Variants in CTDSP1 observed in about 807,000 individuals in gnomAD.
CTDSP1 encodes the protein CTD small phosphatase 1, also known as carboxy-terminal domain RNA polymerase II polypeptide A small phosphatase 1.
CTDSP1 carries 15 observed loss-of-function variants against 32.5 expected under a neutral mutation model. The observed-to-expected ratio is 0.46, with a 90% confidence interval of 0.31 to 0.71. The LOEUF (loss-of-function observed/expected upper bound fraction) is 0.71. Ranked by LOEUF, CTDSP1 falls within the 30% of genes least tolerant of loss-of-function variation. The probability of loss-of-function intolerance (pLI) is 0.05; values close to 1 mark genes in which losing one functional copy is unlikely to be tolerated. For missense variants in CTDSP1, 294 were observed against 351.1 expected (o/e 0.84, Z 1.30); for synonymous variants, 185 against 145.4 (o/e 1.27, Z -1.96).
At position 218,399,985 on chromosome 2, in the gene CTDSP1, C is replaced by T; in HGVS notation, c.-106C>T. On this transcript the variant is annotated 5_prime_UTR_variant, in exon 1 of 7. Coordinates refer to ENST00000273062, the MANE Select transcript of CTDSP1 (RefSeq NM_021198.3). ...CCCTCCGGAGCTCGCGGGGATCCCT[C>T]CCTCCCACCCCTCCCCTCCCCCCCG... The T allele has an allele frequency of 1.3e-6, 1 of 775,178 alleles. No individual in the cohort carries two copies. Among genetic ancestry groups the T allele is most frequent in the African/African-American group, 1.9e-5 (1 of 51,636 alleles). 48.0% of individuals were successfully genotyped at this position (775,178 alleles called of 1,614,324 possible).
chr2:218,399,744 G>A, upstream of CTDSP1: 1 of 1,015,588 alleles, frequency 9.8e-7, no homozygotes, highest in Non-Finnish European at 1.2e-6. Flanking sequence ...GGCCCGGCCC[G>A]CCTCCCAGTC....
chr2:218,400,743 C>A (rs1038098291), intron 1 of CTDSP1: 3 of 455,612 alleles, frequency 6.6e-6, no homozygotes, highest in Non-Finnish European at 1.3e-5. Context: ...GCTTGGCGCC[C>A]GCGGGGAGAG....
At chr2:218,398,661 G>A (rs1322153198), upstream of CTDSP1, 7 of 356,236 alleles carry the variant, frequency 2.0e-5, no homozygotes, top group Middle Eastern at 7.4e-4. Flanking sequence ...CCGGCGGCCG[G>A]ACGGGACAGG....
upstream of CTDSP1, among the ~76,000 whole-genome samples, chr2:218,397,951 G>C (rs559425264): frequency 1.2e-4 from 18 of 152,336 alleles, no homozygotes; most frequent in African/African-American, 4.3e-4. Flanking sequence ...AGATGGGGTG[G>C]AGGAGGTGGG....
chr2:218,404,210 T>A (rs780647903), intron 6 of CTDSP1, 87 bp from the exon 7 acceptor site: 2 of 1,517,776 alleles, frequency 1.3e-6, no homozygotes, highest in Non-Finnish European at 1.8e-6. Flanking sequence ...AACTGCATGA[T>A]CTGAGTAGTG....
upstream of CTDSP1, chr2:218,399,633 G>A (rs901805541): frequency 1.6e-5 from 12 of 754,616 alleles, no homozygotes; most frequent in Admixed American, 6.3e-5. Context: ...GGCCTGGAAC[G>A]GTGAGCCGGG....
At chr2:218,402,273 C>T in intron 3 of CTDSP1, 58 bp downstream of exon 3, 1 of 1,611,238 alleles carries the variant, frequency 6.2e-7, no homozygotes, top group East Asian at 2.2e-5. Flanking sequence ...CCACCCTGGC[C>T]TGGGAGGGAG....
chr2:218,397,801 T>C (rs968017828), upstream of CTDSP1, among the ~76,000 whole-genome samples: 1 of 152,068 alleles, frequency 6.6e-6, no homozygotes, highest in Non-Finnish European at 1.5e-5. Flanking sequence ...CGTAACTAAC[T>C]ACCCGCCCCA....
At chr2:218,398,608 G>A (rs1012671267), upstream of CTDSP1, 5 of 558,554 alleles carry the variant, frequency 9.0e-6, no homozygotes, top group Middle Eastern at 5.1e-4. Context: ...CCCCTCCCCG[G>A]CTCCCCCTCG....
At chr2:218,402,496 T>C (rs996013987) in intron 4 of CTDSP1, 91 bp downstream of exon 4, 8 of 1,257,924 alleles carry the variant, frequency 6.4e-6, no homozygotes, top group Non-Finnish European at 9.3e-6. Flanking sequence ...GGATGGGAAT[T>C]GGATACATGT....
At chr2:218,404,213 G>T in intron 6 of CTDSP1, 84 bp from the exon 7 acceptor site, 3 of 1,533,230 alleles carry the variant, frequency 2.0e-6, no homozygotes, top group Non-Finnish European at 1.8e-6. Flanking sequence ...TGCATGATCT[G>T]AGTAGTGGCT....
chr2:218,400,330 G>T, intron 1 of CTDSP1, 173 bp downstream of exon 1: 1 of 733,274 alleles, frequency 1.4e-6, no homozygotes, highest in South Asian at 1.5e-5. Flanking sequence ...AGGAGGCTCA[G>T]AGACGCGGGG....
Position 218,400,161 on chromosome 2 carries a change from C to T in CTDSP1, c.67+4C>T, listed in dbSNP as rs1285565455. 4 of 1,543,734 alleles carry T rather than the reference C, an allele frequency of 2.6e-6. No individual in the cohort carries two copies. Among genetic ancestry groups the T allele is most frequent in the African/African-American group, 1.4e-5 (1 of 72,640 alleles). ...CGGGGCCCGCTGCGGGGCAAAGGTA[C>T]CGGGGCTGCGGGGAGGGGGCCGAAG... On this transcript the variant is annotated splice_donor_region_variant and intron_variant, in intron 1 of 6. Coordinates refer to ENST00000273062, the MANE Select transcript of CTDSP1 (RefSeq NM_021198.3).
At chr2:218,401,081 G>A (rs910960150) in intron 1 of CTDSP1, 28 of 389,054 alleles carry the variant, frequency 7.2e-5, no homozygotes, top group African/African-American at 4.9e-4. Context: ...GCCCCAGGCC[G>A]CGGGACTGCA....
upstream of CTDSP1, chr2:218,398,360 A>G: frequency 3.4e-6 from 5 of 1,488,236 alleles, no homozygotes; most frequent in Non-Finnish European, 3.6e-6. Context: ...GCGCAGCCAG[A>G]GCAGGCCTAG....
rs1325630491 is a variant in CTDSP1 at position 218,403,220 on chromosome 2, T to A, written c.472-12T>A. 4 of 1,611,478 alleles carry A rather than the reference T, an allele frequency of 2.5e-6. No individual in the cohort carries two copies. The highest frequency in any genetic ancestry group is 1.7e-5 in the Admixed American group (1 of 59,886). ...CCTGCGGGCCCCAGGATGACCCACC[T>A]CCTGCTCCCAGTACGCAGACCCAGT... On this transcript the variant is annotated splice_polypyrimidine_tract_variant and intron_variant, in intron 5 of 6. Coordinates refer to ENST00000273062, the MANE Select transcript of CTDSP1 (RefSeq NM_021198.3).
intron 1 of CTDSP1, 135 bp downstream of exon 1, chr2:218,400,292 A>G: frequency 1.2e-6 from 1 of 800,420 alleles, no homozygotes; most frequent in Non-Finnish European, 2.0e-6. Flanking sequence ...CCAGCCCGAG[A>G]GGGAGCAGGG....
Position 218,404,811 on chromosome 2 carries a change from T to C in CTDSP1, c.*386T>C, listed in dbSNP as rs1187928281. 1 of 185,414 alleles carries C rather than the reference T, an allele frequency of 5.4e-6. No individual in the cohort carries two copies. Among genetic ancestry groups the C allele is most frequent in the Non-Finnish European group, 1.1e-5 (1 of 88,322 alleles). The allele number at this position is 185,414 out of a possible 1,614,324, so 11.5% of individuals were successfully genotyped here. On this transcript the variant is annotated 3_prime_UTR_variant, in exon 7 of 7. Transcript: ENST00000273062. ...CCTTGGACCCCCAGTCTGGGAACGG[T>C]GGACATCAAGTGCCTTGCATAGAGC...
rs1272371910 is a variant in CTDSP1 at position 218,402,403 on chromosome 2, C to A, written c.376C>A (p.Gln126Lys). The A allele has an allele frequency of 1.2e-6, 2 of 1,607,486 alleles. No homozygotes were observed. The highest frequency in any genetic ancestry group is 1.7e-6 in the Non-Finnish European group (2 of 1,176,548). The change falls in exon 4 of 7, where the codon CAG (glutamine) becomes AAG (lysine). Residue 126 changes from glutamine (Q) to lysine (K), a missense_variant and splice_region_variant. Physicochemically the swap from Gln to Lys is moderately conservative, Grantham distance 53. This residue lies in a region of CTDSP1 where 146 missense variants were observed against 237.7 expected (regional missense o/e 0.61). Coordinates refer to ENST00000273062, the MANE Select transcript of CTDSP1 (RefSeq NM_021198.3). Reference sequence around the variant, plus strand: ...TGTGGAGATTGATGGGGTGGTCCACCAGGTGAGGGCCAGGAAGAGGCAGTG... The same window carrying A: ...TGTGGAGATTGATGGGGTGGTCCACAAGGTGAGGGCCAGGAAGAGGCAGTG... ...IPVEIDGVVH[Q>K]VYVLKRPHVD...
Sources: allele counts gnomAD v4.1 joint callset (sites outside exome capture counted in the v4.1 genomes callset), GRCh38; gene constraint gnomAD v4.1.1; regional missense constraint gnomAD v4.1.1; transcripts MANE v1.5; gene names NCBI Gene and HGNC (gene_info 2026-07-23, HGNC 2026-07-21).